CADPS2: variants seen among roughly 807,000 people sequenced by gnomAD.
CADPS2 encodes calcium dependent secretion activator 2.
CADPS2 carries 93 observed loss-of-function variants against 172.5 expected under a neutral mutation model. The observed-to-expected ratio is 0.54, with a 90% confidence interval of 0.46 to 0.64. The LOEUF is 0.64. CADPS2 is among the 30% of genes least tolerant of loss of function. CADPS2 has a pLI of 0.00. For synonymous variants in CADPS2, 546 were observed against 555.2 expected (o/e 0.98, Z 0.23); for missense variants, 1,420 against 1,565.9 (o/e 0.91, Z 1.57).
intron 14 of CADPS2, among the ~76,000 whole-genome samples, chr7:122,469,530 G>A (rs893479923): frequency 1.3e-5 from 2 of 152,152 alleles, no homozygotes; most frequent in African/African-American, 4.8e-5. Context: ...TCTAAGTGCA[G>A]AGGGTTGAGT....
chr7:122,863,665 C>G (rs1346112679), intron 1 of CADPS2, among the ~76,000 whole-genome samples: 1 of 152,160 alleles, frequency 6.6e-6, no homozygotes, highest in African/African-American at 2.4e-5. Flanking sequence ...TGTAGCTGTG[C>G]AGACAAATGT....
At chr7:122,749,058 T>C (rs987754502) in intron 1 of CADPS2, among the ~76,000 whole-genome samples, 1 of 152,128 alleles carries the variant, frequency 6.6e-6, no homozygotes, top group African/African-American at 2.4e-5. Flanking sequence ...CCACATTAAC[T>C]GTGCAAAGCA....
At chr7:122,409,848 A>G (rs183847404) in intron 19 of CADPS2, among the ~76,000 whole-genome samples, 324 of 152,328 alleles carry the variant, frequency 2.1e-3, no homozygotes, top group African/African-American at 6.9e-3. Flanking sequence ...GGTCTCCACC[A>G]GGGAGGAGAA....
chr7:122,416,519 C>A (rs1421932382), intron 17 of CADPS2, among the ~76,000 whole-genome samples: 1 of 152,190 alleles, frequency 6.6e-6, no homozygotes, highest in Non-Finnish European at 1.5e-5. Context: ...ATTATCAGTA[C>A]AATACCATTC....
chr7:122,807,446 G>A (rs994734107), intron 1 of CADPS2, among the ~76,000 whole-genome samples: 9 of 152,202 alleles, frequency 5.9e-5, no homozygotes, highest in Non-Finnish European at 1.2e-4. Context: ...ACCAACTCTG[G>A]CCTGGACAAC....
At chr7:122,591,125 A>C (rs1405214337) in intron 6 of CADPS2, among the ~76,000 whole-genome samples, 1 of 152,134 alleles carries the variant, frequency 6.6e-6, no homozygotes, top group African/African-American at 2.4e-5. Flanking sequence ...GCTGATAAGC[A>C]ACTTCAGCAA....
chr7:122,327,026 TC>T (rs1163930286), intron 28 of CADPS2, among the ~76,000 whole-genome samples: 2 of 152,090 alleles, frequency 1.3e-5, no homozygotes, highest in African/African-American at 4.8e-5. Context: ...AATATGTTAT[TC>T]CTGTATCTAA....
At chr7:122,855,443 T>C (rs188558884) in intron 1 of CADPS2, among the ~76,000 whole-genome samples, 53 of 152,320 alleles carry the variant, frequency 3.5e-4, no homozygotes, top group South Asian at 3.3e-3. Context: ...ACAAATAAAG[T>C]GTCCTTCCAT....
chr7:122,641,794 G>A (rs183106032), intron 3 of CADPS2, among the ~76,000 whole-genome samples: 1 of 151,734 alleles, frequency 6.6e-6, no homozygotes, highest in Admixed American at 6.6e-5. Flanking sequence ...CTACAGTACA[G>A]CATACCCTGT....
chr7:122,393,127 C>T, intron 22 of CADPS2, 69 bp downstream of exon 22: 1 of 1,563,454 alleles, frequency 6.4e-7, no homozygotes, highest in Non-Finnish European at 8.7e-7. Context: ...CTAAACACAT[C>T]TGCGCAGAAC....
At chr7:122,797,395 C>T (rs1264695569) in intron 1 of CADPS2, among the ~76,000 whole-genome samples, 1 of 152,112 alleles carries the variant, frequency 6.6e-6, no homozygotes, top group Non-Finnish European at 1.5e-5. Context: ...CACACATGCA[C>T]GTGTGTGTTC....
chr7:122,620,690 T>G (rs1334374294), intron 5 of CADPS2, among the ~76,000 whole-genome samples: 1 of 152,198 alleles, frequency 6.6e-6, no homozygotes, highest in Non-Finnish European at 1.5e-5. Flanking sequence ...GAAAAAGAAT[T>G]ATCTATTTCT....
At chr7:122,381,143 C>T (rs1014753282) in intron 24 of CADPS2, among the ~76,000 whole-genome samples, 4 of 151,940 alleles carry the variant, frequency 2.6e-5, no homozygotes, top group African/African-American at 7.3e-5. Context: ...ACAAAAAAGG[C>T]CCCCCAGCTC....
intron 8 of CADPS2, 45 bp downstream of exon 8, chr7:122,554,505 T>A: frequency 6.5e-7 from 1 of 1,533,288 alleles, no homozygotes; most frequent in Non-Finnish European, 8.8e-7. Context: ...TACACTGAAA[T>A]GAAATTCAAT....
At chr7:122,577,250 C>A (rs183854524) in intron 7 of CADPS2, among the ~76,000 whole-genome samples, 1 of 152,036 alleles carries the variant, frequency 6.6e-6, no homozygotes, top group East Asian at 1.9e-4. Context: ...TTCACAGCAG[C>A]GTGAGAATGG....
At chr7:122,746,592 C>G (rs534754706) in intron 1 of CADPS2, among the ~76,000 whole-genome samples, 2 of 151,586 alleles carry the variant, frequency 1.3e-5, no homozygotes, top group African/African-American at 2.4e-5. Context: ...GTAAAACACA[C>G]TAACACTAAC....
chr7:122,673,907 CG>C (rs2082126391), intron 2 of CADPS2, among the ~76,000 whole-genome samples: 2 of 4,468 alleles, frequency 4.5e-4, no homozygotes, highest in Non-Finnish European at 8.0e-4. Flanking sequence ...GAGCCCACGG[CG>C]GGGGGTGGGG....
chr7:122,873,853 G>A (rs561587168), intron 1 of CADPS2, among the ~76,000 whole-genome samples: 68 of 152,020 alleles, frequency 4.5e-4, no homozygotes, highest in African/African-American at 1.5e-3. Flanking sequence ...TTTAATTATC[G>A]CCATTCTAAC....
chr7:122,378,636 T>C, intron 25 of CADPS2: 1 of 152,080 alleles, frequency 6.6e-6, no homozygotes, highest in Admixed American at 6.6e-5. Context: ...TTGGGGCTTT[T>C]TGATGAAGCC....
Sources: allele counts gnomAD v4.1 joint callset (sites outside exome capture counted in the v4.1 genomes callset), GRCh38; gene constraint gnomAD v4.1.1; transcripts MANE v1.5; gene names NCBI Gene and HGNC (gene_info 2026-07-23, HGNC 2026-07-21).